The following CNTN4 variants were observed in gnomAD, a reference collection of about 807,000 sequenced individuals.
CNTN4 encodes the protein contactin-4.
CNTN4 carries 77 observed loss-of-function variants against 122.5 expected under a neutral mutation model. The observed-to-expected ratio is 0.63, with a 90% CI of 0.52 to 0.76. The LOEUF (loss-of-function observed/expected upper bound fraction) is 0.76. CNTN4 is among the 30% of genes least tolerant of loss of function. The pLI is 0.00. For synonymous variants in CNTN4, 512 were observed against 447.0 expected (o/e 1.15, Z -1.83); for missense variants, 1,256 against 1,259.1 (o/e 1.00, Z 0.04).
At chr3:2,172,597 G>A (rs919709307) in intron 2 of CNTN4, among the ~76,000 whole-genome samples, 1 of 152,200 alleles carries the variant, frequency 6.6e-6, no homozygotes, top group East Asian at 1.9e-4. Flanking sequence ...GCCAGCCCAT[G>A]AAAGCCGTTT....
chr3:2,496,100 T>C (rs1305893239), intron 3 of CNTN4, among the ~76,000 whole-genome samples: 2 of 152,170 alleles, frequency 1.3e-5, no homozygotes, highest in African/African-American at 2.4e-5. Context: ...CTATTTTCTG[T>C]GTAGTAGTTA....
chr3:2,448,230 A>C (rs138678089), intron 3 of CNTN4, among the ~76,000 whole-genome samples: 14 of 152,334 alleles, frequency 9.2e-5, no homozygotes, highest in Middle Eastern at 3.4e-3. Context: ...AAGAGGTCAC[A>C]AGCCTGGGGC....
chr3:2,837,298 C>A (rs191853289), intron 7 of CNTN4, among the ~76,000 whole-genome samples: 2 of 152,140 alleles, frequency 1.3e-5, no homozygotes, highest in Non-Finnish European at 2.9e-5. Context: ...CTGCAAACCA[C>A]GTAGTTCTTT....
chr3:2,943,214 TCAA>T (rs1467023095), intron 13 of CNTN4, among the ~76,000 whole-genome samples: 3 of 151,984 alleles, frequency 2.0e-5, no homozygotes, highest in Non-Finnish European at 4.4e-5. Context: ...GTCCACAAAG[TCAA>T]CAACAAAGAA....
At chr3:3,004,932 G>C (rs1338065899) in intron 14 of CNTN4, among the ~76,000 whole-genome samples, 1 of 152,236 alleles carries the variant, frequency 6.6e-6, no homozygotes, top group African/African-American at 2.4e-5. Flanking sequence ...AGGCTGCCTG[G>C]TCGGTGGAAG....
chr3:2,157,001 T>C (rs1212728684), intron 2 of CNTN4, among the ~76,000 whole-genome samples: 1 of 152,198 alleles, frequency 6.6e-6, no homozygotes, highest in Non-Finnish European at 1.5e-5. Flanking sequence ...CTAATGACCT[T>C]CTTCCTTTTT....
intron 4 of CNTN4, among the ~76,000 whole-genome samples, chr3:2,612,475 G>C (rs568900796): frequency 6.6e-6 from 1 of 152,218 alleles, no homozygotes; most frequent in East Asian, 1.9e-4. Context: ...GTGTATATGT[G>C]TGTGTGCGTG....
chr3:2,242,471 T>C (rs960675981), intron 2 of CNTN4, among the ~76,000 whole-genome samples: 3 of 152,154 alleles, frequency 2.0e-5, no homozygotes, highest in Non-Finnish European at 4.4e-5. Context: ...GGGGTACATA[T>C]GCAGGATGTG....
chr3:2,995,859 G>A (rs1389526855), intron 14 of CNTN4, among the ~76,000 whole-genome samples: 1 of 152,148 alleles, frequency 6.6e-6, no homozygotes, highest in African/African-American at 2.4e-5. Context: ...CCATGGCCCA[G>A]CAATTCCATT....
chr3:2,779,052 G>T (rs928111248), intron 6 of CNTN4, among the ~76,000 whole-genome samples: 4 of 152,130 alleles, frequency 2.6e-5, no homozygotes, highest in African/African-American at 9.7e-5. Flanking sequence ...ATGATGAAAT[G>T]ATCAACAAAG....
chr3:2,931,029 C>T (rs1480204699), intron 13 of CNTN4, among the ~76,000 whole-genome samples: 1 of 152,114 alleles, frequency 6.6e-6, no homozygotes, highest in African/African-American at 2.4e-5. Flanking sequence ...AGACCATGGA[C>T]AGAATTGAAG....
At position 2,527,625 on chromosome 3, in the gene CNTN4, A is replaced by G. The variant is rs187405813; in HGVS notation, c.-88-43791A>G. Among the ~76,000 whole-genome samples the G allele has an allele frequency of 1.5e-3, 235 of 152,286 alleles. 1 individual carries two copies. The highest frequency in any genetic ancestry group is 2.8e-3 in the Non-Finnish European group (193 of 68,024). ...TTCATCCGTAAAGCACCTTCTTTAC[A>G]TAATAGCGAGCATTGACTCTGGGCA... On this transcript the variant is annotated intron_variant, in intron 3 of 24. Transcript: ENST00000418658.
At chr3:2,804,413 T>C (rs1047608009) in intron 6 of CNTN4, among the ~76,000 whole-genome samples, 2 of 152,178 alleles carry the variant, frequency 1.3e-5, no homozygotes, top group Non-Finnish European at 2.9e-5. Flanking sequence ...CTTGAGCAAA[T>C]TATTTTGCTG....
At chr3:2,643,419 C>G (rs910652637) in intron 4 of CNTN4, among the ~76,000 whole-genome samples, 2 of 152,032 alleles carry the variant, frequency 1.3e-5, no homozygotes, top group Non-Finnish European at 2.9e-5. Flanking sequence ...ATGATCCACC[C>G]GCCTCAGCCT....
chr3:3,031,518 A>G (rs1414557849), intron 16 of CNTN4, among the ~76,000 whole-genome samples: 1 of 152,072 alleles, frequency 6.6e-6, no homozygotes, highest in Non-Finnish European at 1.5e-5. Flanking sequence ...AGTTGATGTA[A>G]ATACTAACAT....
intron 2 of CNTN4, among the ~76,000 whole-genome samples, chr3:2,292,309 A>G (rs980401782): frequency 1.3e-5 from 2 of 152,204 alleles, no homozygotes; most frequent in Admixed American, 1.3e-4. Context: ...TCTCTTAGTG[A>G]ATAATTGTCA....
chr3:2,844,312 T>C (rs1483186988), intron 7 of CNTN4, among the ~76,000 whole-genome samples: 1 of 152,222 alleles, frequency 6.6e-6, no homozygotes, highest in Non-Finnish European at 1.5e-5. Flanking sequence ...TTATTGCAGA[T>C]TTGCAGAATT....
rs537574518 is a variant in CNTN4, at chr3:2,925,615, G to A, written c.1208-14G>A. The A allele has an allele frequency of 6.2e-7, 1 of 1,611,204 alleles. No individual in the cohort carries two copies. The highest frequency in any genetic ancestry group is 1.1e-5 in the South Asian group (1 of 90,802). ...CTGTCTTGCATAATAATTATTTTTT[G>A]TACTGTCTTTCAGCTGTAGGTCCAG... On this transcript the variant is annotated splice_polypyrimidine_tract_variant and intron_variant, in intron 12 of 24. Coordinates refer to ENST00000418658, the MANE Select transcript of CNTN4 (RefSeq NM_175607.3).
intron 4 of CNTN4, among the ~76,000 whole-genome samples, chr3:2,714,895 C>T (rs2087393714): frequency 6.6e-6 from 1 of 152,142 alleles, no homozygotes; most frequent in Non-Finnish European, 1.5e-5. Flanking sequence ...AGGCACCACG[C>T]TGGGCCCAGT....
Sources: gnomAD v4.1 joint callset for allele counts (sites outside exome capture counted in the v4.1 genomes callset) on GRCh38, gnomAD v4.1.1 for gene constraint, MANE v1.5 for transcripts, NCBI Gene and HGNC (gene_info 2026-07-23, HGNC 2026-07-21) for gene names.